The following PKHD1 variants were observed in gnomAD, a reference collection of about 807,000 sequenced individuals.
PKHD1 encodes PKHD1 ciliary IPT domain containing fibrocystin/polyductin.
A neutral mutation model predicts 412.0 loss-of-function variants in PKHD1; 291 were observed. The ratio of observed to expected loss-of-function variants is 0.71; its 90% CI spans 0.64 to 0.78. PKHD1 has a LOEUF of 0.78. Among genes scored for constraint, PKHD1 ranks in the 30% least tolerant of loss-of-function variants. The pLI is 0.00. For synonymous variants in PKHD1, 1,777 were observed against 1,821.5 expected (o/e 0.98, Z 0.62); for missense variants, 4,825 against 4,950.7 (o/e 0.97, Z 0.76).
chr6:51,862,820 G>C (rs7770023), intron 48 of PKHD1, among the ~76,000 whole-genome samples: 61,374 of 151,990 alleles, frequency 0.4, 13,592 homozygotes, highest in East Asian at 0.85. Context: ...TGAATGACCT[G>C]AGGTTCTACA....
chr6:51,695,220 A>G (rs1485058646), intron 60 of PKHD1, among the ~76,000 whole-genome samples: 1 of 152,146 alleles, frequency 6.6e-6, no homozygotes, highest in Non-Finnish European at 1.5e-5. Flanking sequence ...CATTGAAAAC[A>G]CTCATCTTGT....
chr6:51,745,989 G>GT (rs1396594042), intron 59 of PKHD1, among the ~76,000 whole-genome samples: 2 of 148,160 alleles, frequency 1.3e-5, no homozygotes, highest in Non-Finnish European at 3.0e-5. Flanking sequence ...GGCTTCTTTA[G>GT]TTTTTTGCTT....
intron 36 of PKHD1, among the ~76,000 whole-genome samples, chr6:51,937,159 A>G (rs1311411375): frequency 6.6e-6 from 1 of 152,246 alleles, no homozygotes. Context: ...TCTTTAGATA[A>G]GTTAATAAGT....
chr6:51,939,283 C>A (rs1403658929), intron 36 of PKHD1, among the ~76,000 whole-genome samples: 1 of 151,178 alleles, frequency 6.6e-6, no homozygotes, highest in Non-Finnish European at 1.5e-5. Context: ...GGCAAGAACG[C>A]CCAGACCCCT....
intron 53 of PKHD1, among the ~76,000 whole-genome samples, chr6:51,784,938 C>T (rs1489711581): frequency 6.6e-6 from 1 of 152,128 alleles, no homozygotes; most frequent in Admixed American, 6.5e-5. Flanking sequence ...CCAACCTGGA[C>T]CTCTCATTAA....
intron 57 of PKHD1, among the ~76,000 whole-genome samples, chr6:51,752,480 C>G (rs1180552358): frequency 6.6e-6 from 1 of 152,174 alleles, no homozygotes. Flanking sequence ...AAACACTGCC[C>G]TTTACAAAAC....
rs373782257 is a variant in PKHD1 at position 52,045,799 on chromosome 6, G to A, written c.2592+205C>T. Among the ~76,000 whole-genome samples the A allele has an allele frequency of 8.4e-4, 128 of 152,178 alleles. 1 individual carries two copies. The highest frequency in any genetic ancestry group is 2.8e-3 in the African/African-American group (118 of 41,520). Reference sequence around the variant, plus strand: ...CACTGAGTTAGGAAGGGAGATGTTGGGTTTAAATTGCTTTTTCAGGGATAT... The same window carrying A: ...CACTGAGTTAGGAAGGGAGATGTTGAGTTTAAATTGCTTTTTCAGGGATAT... On this transcript the variant is annotated intron_variant, in intron 24 of 66. Coordinates refer to ENST00000371117, the MANE Select transcript of PKHD1 (RefSeq NM_138694.4).
Position 51,836,387 on chromosome 6 carries a change from C to T in PKHD1, c.8173+17G>A, listed in dbSNP as rs1032853606. The T allele has an allele frequency of 7.7e-6, 12 of 1,552,478 alleles. No homozygotes were observed. In the South Asian group the frequency reaches 1.1e-4, roughly 14 times the overall value. On this transcript the variant is annotated intron_variant, in intron 51 of 66. Transcript: ENST00000371117. ...TCTGCCATACTAGACACTTCTACTT[C>T]GTGTGTTAATACTCACCTGAAATAG... is the stretch of plus-strand genomic sequence containing the variant.
chr6:52,011,694 G>A (rs11970628), intron 34 of PKHD1, among the ~76,000 whole-genome samples: 25 of 152,310 alleles, frequency 1.6e-4, no homozygotes, highest in Admixed American at 1.4e-3. Context: ...CAATTTTCTA[G>A]AAATAATGAG....
intron 7 of PKHD1, 140 bp downstream of exon 7, chr6:52,073,323 T>C: frequency 1.3e-6 from 1 of 757,600 alleles, no homozygotes; most frequent in African/African-American, 1.7e-5. Context: ...GCCCAGCTCA[T>C]GAGGGACCAT....
intron 52 of PKHD1, among the ~76,000 whole-genome samples, chr6:51,829,554 G>A (rs1306603334): frequency 6.6e-6 from 1 of 152,048 alleles, no homozygotes; most frequent in African/African-American, 2.4e-5. Flanking sequence ...TGACTCACGA[G>A]CTTGTTTATT....
chr6:52,037,263 GT>G (rs1804104081), intron 27 of PKHD1, among the ~76,000 whole-genome samples: 1 of 151,828 alleles, frequency 6.6e-6, no homozygotes, highest in East Asian at 1.9e-4. Context: ...TAAAAAGAAA[GT>G]TTTTTGACTA....
chr6:51,982,568 G>A (rs1795583541), intron 35 of PKHD1, among the ~76,000 whole-genome samples: 1 of 143,478 alleles, frequency 7.0e-6, no homozygotes, highest in African/African-American at 2.5e-5. Flanking sequence ...AATGGATTAA[G>A]GGCGGTGCAA....
chr6:51,628,851 T>A (rs115709873), intron 65 of PKHD1, among the ~76,000 whole-genome samples: 304 of 152,258 alleles, frequency 2.0e-3, no homozygotes, highest in African/African-American at 7.0e-3. Context: ...AGAATGGCAC[T>A]GGCAAAATAA....
At chr6:51,772,112 A>G (rs764561423) in intron 55 of PKHD1, among the ~76,000 whole-genome samples, 31 of 152,124 alleles carry the variant, frequency 2.0e-4, no homozygotes, top group Non-Finnish European at 4.1e-4. Flanking sequence ...CTAAAAAGAC[A>G]TATGACCCAT....
At chr6:52,043,975 A>C (rs1343358128) in intron 25 of PKHD1, among the ~76,000 whole-genome samples, 12 of 152,202 alleles carry the variant, frequency 7.9e-5, no homozygotes, top group African/African-American at 2.9e-4. Flanking sequence ...ATAAATATTG[A>C]GTAAATTTAT....
At chr6:51,912,909 T>G (rs1004528063) in intron 37 of PKHD1, among the ~76,000 whole-genome samples, 6 of 152,010 alleles carry the variant, frequency 3.9e-5, no homozygotes, top group Non-Finnish European at 7.4e-5. Context: ...TTCTTTAGGG[T>G]AATAAACTTG....
Position 51,649,156 on chromosome 6 carries a change from C to G in PKHD1, c.11239G>C (p.Val3747Leu). The change falls in exon 62 of 67, where the codon GTC becomes CTC. Residue 3747 changes from valine to leucine, a missense_variant. Physicochemically the swap from Val to Leu is conservative, Grantham distance 32 (BLOSUM62 1). Coordinates refer to ENST00000371117, the MANE Select transcript of PKHD1 (RefSeq NM_138694.4). Reference protein sequence around the residue: ...YIRPYALSILVQPSDGEVGNE... With the variant: ...YIRPYALSILLQPSDGEVGNE... ...CCCACTTCTCCATCTGAAGGCTGGA[C>G]TAGGATGGAAAGTGCATAGGGCCGA... The G allele has an allele frequency of 6.2e-7, 1 of 1,611,334 alleles. No homozygotes were observed. Among genetic ancestry groups the G allele is most frequent in the Non-Finnish European group, 8.5e-7 (1 of 1,177,546 alleles).
rs1807305424 is a variant in PKHD1 at position 52,054,031 on chromosome 6, T to C, written c.1964+7A>G. On this transcript the variant is annotated splice_region_variant and intron_variant, in intron 20 of 66. Coordinates refer to ENST00000371117, the MANE Select transcript of PKHD1 (RefSeq NM_138694.4). ...ATTCCCACCACGCCTCCCCACCGAT[T>C]AGCTACCTCTCGGGGCTGGTCCTCG... 1 of 1,613,848 alleles carries C rather than the reference T, an allele frequency of 6.2e-7. No homozygotes were observed. Among genetic ancestry groups the C allele is most frequent in the African/African-American group, 1.3e-5 (1 of 75,048 alleles).
Sources: allele counts gnomAD v4.1 joint callset (sites outside exome capture counted in the v4.1 genomes callset), GRCh38; gene constraint gnomAD v4.1.1; transcripts MANE v1.5; gene names NCBI Gene and HGNC (gene_info 2026-07-23, HGNC 2026-07-21).